The following PDE7A variants were observed in gnomAD, a reference collection of about 807,000 sequenced individuals.
PDE7A encodes the protein phosphodiesterase 7A, also known as high affinity 3',5'-cyclic-AMP phosphodiesterase 7A.
In PDE7A, 39 loss-of-function variants were observed where a neutral mutation model predicts 64.3. The observed-to-expected ratio is 0.61, with a 90% CI of 0.47 to 0.79. PDE7A has a LOEUF of 0.79. PDE7A is among the 30% of genes least tolerant of loss of function. The probability of loss-of-function intolerance (pLI) is 0.00; values close to 1 mark genes in which losing one functional copy is unlikely to be tolerated. For missense variants in PDE7A, 470 were observed against 582.8 expected (o/e 0.81, Z 1.99); for synonymous variants, 203 against 206.8 (o/e 0.98, Z 0.16).
intron 1 of PDE7A, among the ~76,000 whole-genome samples, chr8:65,816,190 T>C (rs541572973): frequency 6.6e-6 from 1 of 152,210 alleles, no homozygotes; most frequent in South Asian, 2.1e-4. Flanking sequence ...AAAAGCTCTT[T>C]AGAGTTCTCA....
intron 5 of PDE7A, among the ~76,000 whole-genome samples, chr8:65,741,122 C>G (rs1807412110): frequency 1.3e-5 from 2 of 152,184 alleles, no homozygotes; most frequent in South Asian, 4.1e-4. Context: ...TATTATACTT[C>G]TCAGTTTTGT....
chr8:65,753,008 G>A (rs1304217728), intron 3 of PDE7A, among the ~76,000 whole-genome samples: 1 of 152,010 alleles, frequency 6.6e-6, no homozygotes, highest in Non-Finnish European at 1.5e-5. Flanking sequence ...AACTCCTTTT[G>A]TTGTCTTATC....
intron 3 of PDE7A, among the ~76,000 whole-genome samples, chr8:65,772,326 T>C (rs568089439): frequency 2.0e-5 from 3 of 152,294 alleles, no homozygotes; most frequent in African/African-American, 4.8e-5. Flanking sequence ...TTAGGGAAAA[T>C]AGTCTTATTT....
intron 1 of PDE7A, among the ~76,000 whole-genome samples, chr8:65,797,975 A>G (rs1809882835): frequency 6.6e-6 from 1 of 150,520 alleles, no homozygotes; most frequent in Non-Finnish European, 1.5e-5. Context: ...AAGAACACCA[A>G]TCACAAAAGG....
chr8:65,745,437 CA>C lies in PDE7A; in HGVS notation c.468del (p.Phe156LeufsTer9). ...CMLEKVGNWN[F>X]DIFLFDRLTN... ...GTTAGTCTATCAAATAGAAAGATATCAAAATTCCAATTTCCAACTTTTTCCA... is the reference window on the plus strand; with the variant it reads ...GTTAGTCTATCAAATAGAAAGATATCAAATTCCAATTTCCAACTTTTTCCA... On this transcript the variant is annotated frameshift_variant, in exon 5 of 13. Coordinates refer to ENST00000401827, the MANE Select transcript of PDE7A (RefSeq NM_001242318.3). LOFTEE classifies it high-confidence loss of function. The C allele has an allele frequency of 6.3e-7, 1 of 1,577,030 alleles. No homozygotes were observed. Among genetic ancestry groups the C allele is most frequent in the South Asian group, 1.1e-5 (1 of 90,258 alleles).
chr8:65,776,270 T>A (rs1283343064), intron 3 of PDE7A, among the ~76,000 whole-genome samples: 1 of 152,206 alleles, frequency 6.6e-6, no homozygotes, highest in Admixed American at 6.5e-5. Flanking sequence ...AATATCCATA[T>A]ATGTGTGGGT....
In PDE7A at chr8:65,817,878, G is replaced by A. The variant is rs542056811; in HGVS notation, c.138+23493C>T. 3.0e-3 allele frequency among the ~76,000 whole-genome samples: 460 copies of A among 151,440 alleles called. 1 individual carries two copies. The highest frequency in any genetic ancestry group is 0.011 in the African/African-American group (445 of 41,162). Reference sequence around the variant, plus strand: ...CGCCATTCTCCTGCCTCAGCCTCCTGAGTAGCTGGGATTACAGGCGCCTGC... The same window carrying A: ...CGCCATTCTCCTGCCTCAGCCTCCTAAGTAGCTGGGATTACAGGCGCCTGC... On this transcript the variant is annotated intron_variant, in intron 1 of 12. Coordinates refer to ENST00000401827, the MANE Select transcript of PDE7A (RefSeq NM_001242318.3).
At chr8:65,737,703 G>A (rs1021358463) in intron 6 of PDE7A, among the ~76,000 whole-genome samples, 4 of 152,096 alleles carry the variant, frequency 2.6e-5, no homozygotes, top group African/African-American at 9.7e-5. Context: ...ATTTTTAGTA[G>A]AGACGGGGTT....
intron 1 of PDE7A, among the ~76,000 whole-genome samples, chr8:65,837,556 T>G (rs1260608992): frequency 6.6e-6 from 1 of 152,196 alleles, no homozygotes. Flanking sequence ...TTAAATAATT[T>G]TGTGCATGAA....
chr8:65,784,677 T>C (rs1389791962), intron 1 of PDE7A, among the ~76,000 whole-genome samples: 3 of 151,826 alleles, frequency 2.0e-5, no homozygotes, highest in Non-Finnish European at 4.4e-5. Flanking sequence ...CCCAGAAAAG[T>C]GAGTTCAACT....
chr8:65,799,856 A>C (rs1334570412), intron 1 of PDE7A, among the ~76,000 whole-genome samples: 2 of 152,210 alleles, frequency 1.3e-5, no homozygotes, highest in Admixed American at 6.5e-5. Flanking sequence ...GGGAGGGCCA[A>C]AGGCCAAAAC....
At chr8:65,799,377 T>C (rs1369983048) in intron 1 of PDE7A, among the ~76,000 whole-genome samples, 2 of 151,688 alleles carry the variant, frequency 1.3e-5, no homozygotes, top group Admixed American at 6.6e-5. Flanking sequence ...TCAACCATAA[T>C]AGGGAGTCTG....
chr8:65,754,873 G>C (rs1808148304), intron 3 of PDE7A, among the ~76,000 whole-genome samples: 1 of 149,574 alleles, frequency 6.7e-6, no homozygotes, highest in Admixed American at 6.6e-5. Context: ...GCTGAGGCAG[G>C]AGAATCGCCT....
intron 7 of PDE7A, among the ~76,000 whole-genome samples, chr8:65,730,996 C>T (rs1806861965): frequency 6.6e-6 from 1 of 152,092 alleles, no homozygotes; most frequent in Non-Finnish European, 1.5e-5. Context: ...TGATAAAGCC[C>T]ATATACAATA....
chr8:65,733,039 T>C (rs1806965355), intron 7 of PDE7A, among the ~76,000 whole-genome samples: 1 of 152,160 alleles, frequency 6.6e-6, no homozygotes, highest in African/African-American at 2.4e-5. Flanking sequence ...ATGTTCACTA[T>C]GATAAGGGAG....
intron 1 of PDE7A, among the ~76,000 whole-genome samples, chr8:65,788,722 T>G (rs1282630889): frequency 6.6e-6 from 1 of 152,074 alleles, no homozygotes; most frequent in African/African-American, 2.4e-5. Context: ...AAACTACAAA[T>G]AGTAAATTTA....
At chr8:65,799,358 T>C (rs111897168) in intron 1 of PDE7A, among the ~76,000 whole-genome samples, 1,915 of 151,842 alleles carry the variant, frequency 0.013, 16 homozygotes, top group Non-Finnish European at 0.02. Context: ...ACAGGAGTAA[T>C]CAAAACTGTC....
chr8:65,826,045 G>A (rs1810664941), intron 1 of PDE7A, among the ~76,000 whole-genome samples: 1 of 152,144 alleles, frequency 6.6e-6, no homozygotes, highest in Non-Finnish European at 1.5e-5. Context: ...GCCATGGGAA[G>A]AGCCTGAGTC....
chr8:65,816,458 C>A (rs1343441892), intron 1 of PDE7A, among the ~76,000 whole-genome samples: 1 of 152,126 alleles, frequency 6.6e-6, no homozygotes, highest in Non-Finnish European at 1.5e-5. Context: ...TCATTTCTTC[C>A]TGTGGATTTG....
Sources: gnomAD v4.1 joint callset for allele counts (sites outside exome capture counted in the v4.1 genomes callset) on GRCh38, gnomAD v4.1.1 for gene constraint, MANE v1.5 for transcripts, NCBI Gene and HGNC (gene_info 2026-07-23, HGNC 2026-07-21) for gene names.